Variants in TLE4 observed in about 807,000 individuals in gnomAD.
TLE4 encodes TLE family member 4, transcriptional corepressor.
TLE4 carries 8 observed loss-of-function variants against 92.8 expected under a neutral mutation model. That is an observed-to-expected ratio of 0.09 (90% CI 0.05 to 0.16). The LOEUF (loss-of-function observed/expected upper bound fraction) is 0.16, where lower values mean the gene tolerates loss of function less well. TLE4 is among the 10% of genes least tolerant of loss of function. The pLI is 1.00. For synonymous variants in TLE4, 371 were observed against 374.1 expected (o/e 0.99, Z 0.10); for missense variants, 675 against 997.6 (o/e 0.68, Z 4.36).
At chr9:79,590,306 C>G (rs2042230217) in intron 4 of TLE4, among the ~76,000 whole-genome samples, 1 of 152,090 alleles carries the variant, frequency 6.6e-6, no homozygotes, top group Non-Finnish European at 1.5e-5. Context: ...AAATTGTGTC[C>G]CCAAAATTCC....
At chr9:79,693,931 G>C (rs2067636914) in intron 8 of TLE4, among the ~76,000 whole-genome samples, 1 of 152,180 alleles carries the variant, frequency 6.6e-6, no homozygotes, top group African/African-American at 2.4e-5. Context: ...ATGCCAAATT[G>C]CAGTTGGCTC....
chr9:79,693,909 C>T (rs1015343938), intron 8 of TLE4, among the ~76,000 whole-genome samples: 6 of 152,188 alleles, frequency 3.9e-5, no homozygotes, highest in Non-Finnish European at 5.9e-5. Context: ...TATTACTGCA[C>T]CACTTAGCTT....
intron 4 of TLE4, among the ~76,000 whole-genome samples, chr9:79,610,769 T>C (rs1320730243): frequency 2.6e-5 from 4 of 152,076 alleles, no homozygotes; most frequent in Admixed American, 1.3e-4. Flanking sequence ...AAAAAATAGT[T>C]GCTCAGACTT....
intron 5 of TLE4, among the ~76,000 whole-genome samples, chr9:79,624,243 A>G (rs1198207368): frequency 6.7e-6 from 1 of 148,228 alleles, no homozygotes; most frequent in African/African-American, 2.5e-5. Flanking sequence ...TTGCATGTTC[A>G]TTTTTCTCTT....
intron 7 of TLE4, among the ~76,000 whole-genome samples, chr9:79,653,196 A>G (rs1044869259): frequency 6.6e-6 from 1 of 152,210 alleles, no homozygotes; most frequent in African/African-American, 2.4e-5. Context: ...ATCAATTATT[A>G]TTTATAAACA....
intron 4 of TLE4, among the ~76,000 whole-genome samples, chr9:79,595,972 A>G (rs1327898556): frequency 6.6e-6 from 1 of 150,398 alleles, no homozygotes; most frequent in Non-Finnish European, 1.5e-5. Flanking sequence ...TCAGCCTCCC[A>G]AGTAGCTGGG....
intron 4 of TLE4, among the ~76,000 whole-genome samples, chr9:79,596,264 C>G (rs1393376654): frequency 6.6e-6 from 1 of 152,040 alleles, no homozygotes; most frequent in Non-Finnish European, 1.5e-5. Flanking sequence ...TTAAGCCTGC[C>G]TCGCCTCCTC....
At chr9:79,656,871 A>C (rs1484415027) in intron 8 of TLE4, among the ~76,000 whole-genome samples, 1 of 152,220 alleles carries the variant, frequency 6.6e-6, no homozygotes, top group Non-Finnish European at 1.5e-5. Flanking sequence ...TTCACTTGTT[A>C]ACATGTTGGG....
At chr9:79,649,505 T>G (rs529369965) in intron 6 of TLE4, 1 of 181,086 alleles carries the variant, frequency 5.5e-6, no homozygotes, top group African/African-American at 2.4e-5. Context: ...TTAAACAAAA[T>G]GTTGGACAAA....
intron 8 of TLE4, among the ~76,000 whole-genome samples, chr9:79,695,560 A>G (rs112443811): frequency 3.7e-4 from 56 of 152,326 alleles, no homozygotes; most frequent in African/African-American, 1.3e-3. Flanking sequence ...GCAGCTGTCA[A>G]TTAAAACACC....
chr9:79,633,642 G>A (rs994700462), intron 6 of TLE4, among the ~76,000 whole-genome samples: 2 of 152,146 alleles, frequency 1.3e-5, no homozygotes, highest in African/African-American at 4.8e-5. Flanking sequence ...CAGAGAATAA[G>A]GCAACCTGCA....
At chr9:79,720,355 A>C in intron 16 of TLE4, 62 bp downstream of exon 16, 2 of 1,530,888 alleles carry the variant, frequency 1.3e-6, no homozygotes, top group Non-Finnish European at 1.8e-6. Flanking sequence ...TATTTTGCCA[A>C]AGTGCTGTGT....
intron 4 of TLE4, among the ~76,000 whole-genome samples, chr9:79,578,879 A>C (rs1283326711): frequency 6.6e-6 from 1 of 150,888 alleles, no homozygotes; most frequent in Non-Finnish European, 1.5e-5. Flanking sequence ...GTGGAATTGG[A>C]ACATAAAATA....
Position 79,725,894 on chromosome 9 carries a change from T to C in TLE4, c.*750T>C, listed in dbSNP as rs2076337434. ...ATATGTTTTTAGTTCCCTTTTTTTGTTGTATTATAGGCAGATGAACAAATT... is the reference window on the plus strand; with the variant it reads ...ATATGTTTTTAGTTCCCTTTTTTTGCTGTATTATAGGCAGATGAACAAATT... On this transcript the variant is annotated 3_prime_UTR_variant, in exon 20 of 20. Transcript: ENST00000376552. The C allele has an allele frequency of 6.6e-6, 1 of 152,668 alleles. No homozygotes were observed. Among genetic ancestry groups the C allele is most frequent in the Non-Finnish European group, 1.5e-5 (1 of 68,032 alleles). 9.5% of individuals were successfully genotyped at this position (152,668 alleles called of 1,614,324 possible).
chr9:79,668,950 G>A, intron 8 of TLE4: 1 of 466,800 alleles, frequency 2.1e-6, no homozygotes, highest in African/African-American at 2.1e-5. Flanking sequence ...GCAGGTTACT[G>A]GACAACATAG....
At chr9:79,573,255 G>A in intron 1 of TLE4, 1 of 1,019,296 alleles carries the variant, frequency 9.8e-7, no homozygotes, top group South Asian at 4.1e-5. Flanking sequence ...GGGCCGCCGG[G>A]GCGAGCGGGC....
At chr9:79,722,347 T>C in intron 17 of TLE4, 104 bp from the exon 18 acceptor site, 2 of 1,335,016 alleles carry the variant, frequency 1.5e-6, no homozygotes, top group Non-Finnish European at 1.0e-6. Flanking sequence ...ATTATCTTGA[T>C]TTTCTTCATA....
chr9:79,578,229 T>G (rs1288343200), intron 4 of TLE4, among the ~76,000 whole-genome samples: 1 of 152,216 alleles, frequency 6.6e-6, no homozygotes, highest in African/African-American at 2.4e-5. Flanking sequence ...TGCAGGGAAG[T>G]TGCCCTGCGG....
At chr9:79,713,747 A>G (rs1456669982) in intron 14 of TLE4, among the ~76,000 whole-genome samples, 2 of 152,192 alleles carry the variant, frequency 1.3e-5, no homozygotes, top group East Asian at 3.8e-4. Flanking sequence ...ATTTAGTCCT[A>G]CAGGATTTTA....
Sources: allele counts gnomAD v4.1 joint callset (sites outside exome capture counted in the v4.1 genomes callset), GRCh38; gene constraint gnomAD v4.1.1; transcripts MANE v1.5; gene names NCBI Gene and HGNC (gene_info 2026-07-23, HGNC 2026-07-21).